Variants in NTRK3 observed in about 807,000 individuals in gnomAD.
NTRK3 encodes neurotrophic receptor tyrosine kinase 3.
Under a neutral mutation model 91.7 loss-of-function variants are expected in NTRK3, and 24 were observed. The observed-to-expected ratio is 0.26, with a 90% CI of 0.19 to 0.37. The LOEUF (loss-of-function observed/expected upper bound fraction) is 0.37. Among genes scored for constraint, NTRK3 ranks in the 10% least tolerant of loss-of-function variants. NTRK3 has a pLI of 1.00. For synonymous variants in NTRK3, 483 were observed against 404.0 expected, an observed-to-expected ratio of 1.20 and a Z score of -2.34; for missense variants, 880 against 1,068.9, an observed-to-expected ratio of 0.82 and a Z score of 2.46.
At chr15:88,149,852 A>T (rs1341495751) in intron 5 of NTRK3, among the ~76,000 whole-genome samples, 1 of 152,174 alleles carries the variant, frequency 6.6e-6, no homozygotes, top group Non-Finnish European at 1.5e-5. Flanking sequence ...GTTTTATTAA[A>T]TCTAAGTGTT....
At chr15:87,932,956 C>T in intron 16 of NTRK3, 56 bp downstream of exon 16, 1 of 1,598,132 alleles carries the variant, frequency 6.3e-7, no homozygotes, top group Non-Finnish European at 8.6e-7. Flanking sequence ...CCAGGGAAAA[C>T]CCCAAGGGTT....
rs148945689 is a variant in NTRK3, at chr15:87,943,244, TGAA to T, written c.1586-2494_1586-2492del. Among the ~76,000 whole-genome samples, 895 of 152,238 alleles carry T rather than the reference TGAA, an allele frequency of 5.9e-3. 13 individuals are homozygous for T. Among genetic ancestry groups the T allele is most frequent in the East Asian group, 0.031 (162 of 5,162 alleles). On this transcript the variant is annotated intron_variant, in intron 14 of 18. Transcript: ENST00000394480. ...TTGGTGGGGTGGGAAATTAGCCAGC[TGAA>T]GAAGTTTACCTTTACAACTTGGCCT...
chr15:88,038,482 G>C (rs1431605236), intron 13 of NTRK3, among the ~76,000 whole-genome samples: 1 of 152,146 alleles, frequency 6.6e-6, no homozygotes. Context: ...GGCTGGCACT[G>C]GGTCAAGACA....
At chr15:88,197,380 CTT>C (rs2141230687) in intron 3 of NTRK3, among the ~76,000 whole-genome samples, 1 of 152,268 alleles carries the variant, frequency 6.6e-6, no homozygotes, top group African/African-American at 2.4e-5. Context: ...AGCTTTCATT[CTT>C]TGAGTGCTAA....
intron 3 of NTRK3, among the ~76,000 whole-genome samples, chr15:88,200,658 GC>G (rs1310932987): frequency 6.6e-6 from 1 of 152,140 alleles, no homozygotes. Context: ...TTCCCCTTCT[GC>G]CATGACTGTA....
chr15:87,925,441 GCACA>G (rs61582719), intron 17 of NTRK3: 129 of 180,734 alleles, frequency 7.1e-4, no homozygotes, highest in South Asian at 2.2e-3. Context: ...ACACGTGTAT[GCACA>G]CACACACACA....
At chr15:87,916,599 CAG>C (rs1429156459) in intron 17 of NTRK3, 1 of 702,094 alleles carries the variant, frequency 1.4e-6, no homozygotes, top group Non-Finnish European at 2.6e-6. Context: ...TTCTAAACTG[CAG>C]AGAGAAGAGA....
At chr15:88,203,191 T>C (rs1386524504) in intron 3 of NTRK3, among the ~76,000 whole-genome samples, 1 of 152,136 alleles carries the variant, frequency 6.6e-6, no homozygotes, top group Admixed American at 6.5e-5. Flanking sequence ...CCCATCTCAG[T>C]TCCCCATTCC....
intron 14 of NTRK3, among the ~76,000 whole-genome samples, chr15:88,025,913 T>C (rs948920456): frequency 2.0e-5 from 3 of 152,190 alleles, no homozygotes; most frequent in Non-Finnish European, 4.4e-5. Flanking sequence ...GAGCTGGGAT[T>C]GAGCCATCGC....
chr15:88,083,389 A>T lies in NTRK3; in HGVS notation c.1396+42882T>A, dbSNP rs190236139. ...AGGCACCCACCACCATGCCCAGCTA[A>T]TTTTTCTATTTTTAGTAGGGACAAG... is the stretch of plus-strand genomic sequence containing the variant. On this transcript the variant is annotated intron_variant, in intron 13 of 18. Transcript: ENST00000394480. Among the ~76,000 whole-genome samples the T allele has an allele frequency of 2.6e-5, 4 of 152,026 alleles. No individual in the cohort carries two copies. The East Asian group carries it at 7.8e-4, about 29-fold the overall frequency.
Position 88,126,391 on chromosome 15 carries a change from C to CA in NTRK3, c.1294-19dup. On this transcript the variant is annotated intron_variant, in intron 12 of 18. Transcript: ENST00000394480. ...ATGGATACCTGTGAGGAACCAGAAACAGAGAGTCAGCAACAATCACAGAAA... is the reference window on the plus strand; with the variant it reads ...ATGGATACCTGTGAGGAACCAGAAACAAGAGAGTCAGCAACAATCACAGAAA... The CA allele has an allele frequency of 6.4e-7, 1 of 1,560,456 alleles. No individual in the cohort carries two copies. The highest frequency in any genetic ancestry group is 8.8e-7 in the Non-Finnish European group (1 of 1,131,394).
At position 88,075,585 on chromosome 15, in the gene NTRK3, C is replaced by T. The variant is rs1274078557; in HGVS notation, c.1397-42540G>A. Among the ~76,000 whole-genome samples, 4 of 152,146 alleles carry T rather than the reference C, an allele frequency of 2.6e-5. No homozygotes were observed. In the East Asian group the frequency reaches 7.7e-4, roughly 29 times the overall value. On this transcript the variant is annotated intron_variant, in intron 13 of 18. Transcript: ENST00000394480. ...TATAAGTCTCCAAAGGAGAAGTCTC[C>T]CTTTTTTCTTTATGTTTGTTGTTGT...
At chr15:88,027,671 C>G (rs1006877372) in intron 14 of NTRK3, among the ~76,000 whole-genome samples, 1 of 152,182 alleles carries the variant, frequency 6.6e-6, no homozygotes, top group African/African-American at 2.4e-5. Flanking sequence ...CGTGAGCCAC[C>G]GTGCCTGGCC....
chr15:87,951,479 G>C (rs543055750), intron 14 of NTRK3, among the ~76,000 whole-genome samples: 1 of 152,180 alleles, frequency 6.6e-6, no homozygotes, highest in Admixed American at 6.5e-5. Context: ...GACATGGGCC[G>C]AGCCCTTAGA....
At chr15:88,087,171 G>T (rs1317744881) in intron 13 of NTRK3, among the ~76,000 whole-genome samples, 1 of 152,256 alleles carries the variant, frequency 6.6e-6, no homozygotes, top group Non-Finnish European at 1.5e-5. Flanking sequence ...CAGAAGCAAA[G>T]TGGGTACCCC....
intron 17 of NTRK3, among the ~76,000 whole-genome samples, chr15:87,890,709 C>A (rs532741985): frequency 6.6e-6 from 1 of 152,094 alleles, no homozygotes; most frequent in Non-Finnish European, 1.5e-5. Flanking sequence ...TCTCACATAA[C>A]GCCAATAAAT....
exon 19 of NTRK3, chr15:87,866,202 G>A (rs914101860): frequency 4.5e-6 from 1 of 221,874 alleles, no homozygotes; most frequent in Non-Finnish European, 9.0e-6. Context: ...AAATAGAAAT[G>A]TGCAAGTTCT....
chr15:88,171,572 C>T (rs377750280), intron 5 of NTRK3, among the ~76,000 whole-genome samples: 10 of 152,254 alleles, frequency 6.6e-5, no homozygotes, highest in African/African-American at 2.4e-4. Context: ...GTGGGACATG[C>T]CATTTACTGA....
intron 14 of NTRK3, among the ~76,000 whole-genome samples, chr15:88,003,766 A>G (rs1008661020): frequency 2.6e-5 from 4 of 152,098 alleles, no homozygotes; most frequent in African/African-American, 9.7e-5. Context: ...CCTCATGAAA[A>G]TCTTCAAAAG....
Sources: gnomAD v4.1 joint callset for allele counts (sites outside exome capture counted in the v4.1 genomes callset) on GRCh38, gnomAD v4.1.1 for gene constraint, MANE v1.5 for transcripts, NCBI Gene and HGNC (gene_info 2026-07-23, HGNC 2026-07-21) for gene names.